Variants in MED10 observed in about 807,000 individuals in gnomAD.
The protein encoded by MED10 is mediator complex subunit 10, also known as mediator of RNA polymerase II transcription subunit 10.
In MED10, 9 loss-of-function variants were observed where a neutral mutation model predicts 17.2. That is an observed-to-expected ratio of 0.52 (90% CI 0.31 to 0.91). The LOEUF is 0.91. MED10 is among the 40% of genes least tolerant of loss of function. The probability of loss-of-function intolerance (pLI) is 0.04; values close to 1 mark genes in which losing one functional copy is unlikely to be tolerated. For missense variants in MED10, 129 were observed against 164.8 expected, an observed-to-expected ratio of 0.78 and a Z score of 1.19; for synonymous variants, 66 against 59.8, an observed-to-expected ratio of 1.10 and a Z score of -0.48.
chr5:6,372,806 G>A (rs542485936), intron 3 of MED10, among the ~76,000 whole-genome samples: 12 of 152,280 alleles, frequency 7.9e-5, no homozygotes, highest in African/African-American at 1.7e-4. Context: ...AGCCCCGGAC[G>A]TCACCACCAG....
intron 2 of MED10, 48 bp from the exon 3 acceptor site, chr5:6,374,474 T>C: frequency 1.5e-6 from 2 of 1,291,112 alleles, no homozygotes; most frequent in Non-Finnish European, 1.1e-6. Context: ...CTGACACCTA[T>C]TCTCACAGCT....
chr5:6,373,024 G>T (rs112821610), intron 3 of MED10, among the ~76,000 whole-genome samples: 1 of 152,230 alleles, frequency 6.6e-6, no homozygotes, highest in African/African-American at 2.4e-5. Context: ...TGGCTCTGAA[G>T]GTGACGCTGG....
chr5:6,375,316 T>C (rs1440767234), intron 2 of MED10, among the ~76,000 whole-genome samples: 1 of 152,180 alleles, frequency 6.6e-6, no homozygotes, highest in Non-Finnish European at 1.5e-5. Flanking sequence ...GAAAACTAAC[T>C]CTACTTTCGA....
At chr5:6,378,268 G>A (rs1056820970) in intron 1 of MED10, 94 bp downstream of exon 1, 39 of 1,430,898 alleles carry the variant, frequency 2.7e-5, no homozygotes, top group Non-Finnish European at 3.5e-5. Context: ...GTAGCGGTCA[G>A]GCTCGGCTCG....
intron 3 of MED10, among the ~76,000 whole-genome samples, chr5:6,373,518 G>C (rs1737928624): frequency 1.3e-5 from 2 of 152,230 alleles, no homozygotes; most frequent in South Asian, 2.1e-4. Flanking sequence ...TGGAAGGATA[G>C]AGTCGCTTGT....
chr5:6,373,782 A>G (rs1228159492), intron 3 of MED10, among the ~76,000 whole-genome samples: 1 of 152,232 alleles, frequency 6.6e-6, no homozygotes, highest in South Asian at 2.1e-4. Context: ...TTTGAACTAC[A>G]TTTGAGTCAA....
At position 6,376,525 on chromosome 5, in the gene MED10, C is replaced by A. The variant is rs149605926; in HGVS notation, c.206+641G>T. On this transcript the variant is annotated intron_variant, in intron 2 of 3. Coordinates refer to ENST00000255764, the MANE Select transcript of MED10 (RefSeq NM_032286.3). ...AATCAGAGATGTGACCAAATCAATG[C>A]AAGAAAACCTGGATTTTAAAAATCT... Among the ~76,000 whole-genome samples the A allele has an allele frequency of 3.9e-3, 594 of 152,294 alleles. 2 individuals carry two copies. The highest frequency in any genetic ancestry group is 0.013 in the African/African-American group (559 of 41,560).
At chr5:6,373,519 A>G (rs1371503744) in intron 3 of MED10, among the ~76,000 whole-genome samples, 1 of 152,236 alleles carries the variant, frequency 6.6e-6, no homozygotes, top group South Asian at 2.1e-4. Context: ...GGAAGGATAG[A>G]GTCGCTTGTG....
intron 3 of MED10, among the ~76,000 whole-genome samples, chr5:6,373,577 A>C (rs977630716): frequency 3.9e-5 from 6 of 152,150 alleles, no homozygotes; most frequent in Non-Finnish European, 8.8e-5. Flanking sequence ...ACAGGAGAAA[A>C]GAACACGAAC....
intron 3 of MED10, among the ~76,000 whole-genome samples, chr5:6,372,805 C>T (rs1482589782): frequency 2.0e-5 from 3 of 152,156 alleles, no homozygotes; most frequent in East Asian, 1.9e-4. Flanking sequence ...CAGCCCCGGA[C>T]GTCACCACCA....
At chr5:6,374,284 T>C in intron 3 of MED10, 40 bp downstream of exon 3, 1 of 1,396,050 alleles carries the variant, frequency 7.2e-7, no homozygotes, top group Non-Finnish European at 1.0e-6. Flanking sequence ...TGAGAAGGCA[T>C]CTCTTCCCAC....
chr5:6,378,541 C>T lies in MED10; in HGVS notation c.-58G>A. 6.4e-7 allele frequency: 1 copy of T among 1,556,952 alleles called. No homozygotes were observed. On this transcript the variant is annotated 5_prime_UTR_variant, in exon 1 of 4. Transcript: ENST00000255764. Reference sequence around the variant, plus strand: ...AACCAGCAGCGCCGCAGGCGTGGCCCTACGCTCCCGCTTCCTGCTTCCGTC... The same window carrying T: ...AACCAGCAGCGCCGCAGGCGTGGCCTTACGCTCCCGCTTCCTGCTTCCGTC...
In MED10 at chr5:6,378,348, G is replaced by C. The variant is rs1738044026; in HGVS notation, c.122+14C>G. 1.3e-6 allele frequency: 2 copies of C among 1,593,710 alleles called. No homozygotes were observed. Among genetic ancestry groups the C allele is most frequent in the African/African-American group, 2.7e-5 (2 of 74,474 alleles). On this transcript the variant is annotated intron_variant, in intron 1 of 3. Transcript: ENST00000255764. ...GCCCTGGGGAGACCCCGGCAGCCTC[G>C]GGCCGCCACTCACAGCTTTTGGTTG...
Position 6,377,201 on chromosome 5 carries a change from C to T in MED10, c.171G>A (p.Gln57=). 1.2e-6 allele frequency: 2 copies of T among 1,610,208 alleles called. No homozygotes were observed. Among genetic ancestry groups the T allele is most frequent in the South Asian group, 1.1e-5 (1 of 89,848 alleles). The change falls in exon 2 of 4, where the codon CAG becomes CAA. Residue 57 remains glutamine (Q), a synonymous_variant. Transcript: ENST00000255764. ...CTAACGGTACAGTAATATCATGAAG[C>T]TGCTGTCTGCACTTGTCAATATCCT... The part of the protein sequence containing the change: ...GLQDIDKCRQ[Q]LHDITVPLEV...
In MED10 at chr5:6,372,028, T is replaced by C. The variant is rs1293236530; in HGVS notation, c.*475A>G. 2 of 153,452 alleles carry C rather than the reference T, an allele frequency of 1.3e-5. No homozygotes were observed. The highest frequency in any genetic ancestry group is 4.8e-5 in the African/African-American group (2 of 41,482). 9.5% of individuals were successfully genotyped at this position (153,452 alleles called of 1,614,324 possible). A position where few individuals can be genotyped will look rare whatever the true frequency, so the allele number is the denominator to read the frequency against. On this transcript the variant is annotated 3_prime_UTR_variant, in exon 4 of 4. Coordinates refer to ENST00000255764, the MANE Select transcript of MED10 (RefSeq NM_032286.3). ...GCACTATACTTGAAAATGTAAAATA[T>C]AATACCACTTAAGTACTTCCCACAT...
chr5:6,374,720 C>A (rs1579253560), intron 2 of MED10: 2 of 280,568 alleles, frequency 7.1e-6, no homozygotes, highest in African/African-American at 4.3e-5. Flanking sequence ...AGCATTTGCA[C>A]TTTTCAAAAT....
Position 6,374,001 on chromosome 5 carries a change from G to A in MED10, c.309+323C>T, listed in dbSNP as rs193237657. Reference sequence around the variant, plus strand: ...ATGACTACAGGGAAAGCCTTCAACAGTAGGAATTACTACAGAAATAGAAAG... The same window carrying A: ...ATGACTACAGGGAAAGCCTTCAACAATAGGAATTACTACAGAAATAGAAAG... On this transcript the variant is annotated intron_variant, in intron 3 of 3. Coordinates refer to ENST00000255764, the MANE Select transcript of MED10 (RefSeq NM_032286.3). Among the ~76,000 whole-genome samples, 3 of 152,308 alleles carry A rather than the reference G, an allele frequency of 2.0e-5. No homozygotes were observed. The East Asian group carries it at 5.8e-4, about 29-fold the overall frequency.
intron 1 of MED10, among the ~76,000 whole-genome samples, chr5:6,377,560 G>C (rs1429568365): frequency 6.6e-6 from 1 of 152,206 alleles, no homozygotes; most frequent in Non-Finnish European, 1.5e-5. Context: ...GCATATGACT[G>C]TGTGTGCGGT....
Position 6,372,252 on chromosome 5 carries a change from C to T in MED10, c.*251G>A. The T allele has an allele frequency of 2.2e-6, 1 of 456,496 alleles. No homozygotes were observed. The highest frequency in any genetic ancestry group is 4.4e-5 in the South Asian group (1 of 22,628). 28.3% of individuals were successfully genotyped at this position (456,496 alleles called of 1,614,324 possible). A position where few individuals can be genotyped will look rare whatever the true frequency, so the allele number is the denominator to read the frequency against. Reference sequence around the variant, plus strand: ...TCATCTGCCCTCAGAGAGAATGATCCCCACAGTGATGAGGGGTCAGCACTC... The same window carrying T: ...TCATCTGCCCTCAGAGAGAATGATCTCCACAGTGATGAGGGGTCAGCACTC... On this transcript the variant is annotated 3_prime_UTR_variant, in exon 4 of 4. Coordinates refer to ENST00000255764, the MANE Select transcript of MED10 (RefSeq NM_032286.3).
Sources: gnomAD v4.1 joint callset for allele counts (sites outside exome capture counted in the v4.1 genomes callset) on GRCh38, gnomAD v4.1.1 for gene constraint, MANE v1.5 for transcripts, NCBI Gene and HGNC (gene_info 2026-07-23, HGNC 2026-07-21) for gene names.